ZAR1L: variants seen among roughly 807,000 people sequenced by gnomAD.
The protein encoded by ZAR1L is zygote arrest 1 like, also known as protein ZAR1-like.
ZAR1L carries 16 observed loss-of-function variants against 30.0 expected under a neutral mutation model. That is an observed-to-expected ratio of 0.53 (90% CI 0.36 to 0.81). ZAR1L has a LOEUF of 0.81. Among genes scored for constraint, ZAR1L ranks in the 30% least tolerant of loss-of-function variants. ZAR1L has a pLI of 0.00. For synonymous variants in ZAR1L, 197 were observed against 166.8 expected, an observed-to-expected ratio of 1.18 and a Z score of -1.40; for missense variants, 392 against 417.2, an observed-to-expected ratio of 0.94 and a Z score of 0.53.
chr13:32,311,514 C>T lies in ZAR1L; in HGVS notation c.412G>A (p.Gly138Ser), dbSNP rs1363683458. The part of the protein sequence containing the change: ...PACGVTSPAT[G>S]RRGLIRLRRD... ...CGCAGGCGGATCAAGCCCCTGCGGCCGGTGGCGGGCGAAGTGACCCCACAG... is the reference window on the plus strand; with the variant it reads ...CGCAGGCGGATCAAGCCCCTGCGGCTGGTGGCGGGCGAAGTGACCCCACAG... The change falls in exon 3 of 6, where the codon GGC becomes AGC. Residue 138 changes from glycine (G) to serine (S), a missense_variant. Transcript: ENST00000533490. 1.5e-5 allele frequency: 23 copies of T among 1,537,466 alleles called. No individual in the cohort carries two copies. Among genetic ancestry groups the T allele is most frequent in the Non-Finnish European group, 1.8e-5 (21 of 1,141,108 alleles).
chr13:32,307,498 C>CAAAAAA (rs772822284), intron 5 of ZAR1L, among the ~76,000 whole-genome samples: 1 of 15,384 alleles, frequency 6.5e-5, no homozygotes, highest in Non-Finnish European at 1.1e-4. Context: ...GAGTCTGTCT[C>CAAAAAA]AAAAAAAAAA....
At chr13:32,312,353 G>C (rs1047091115) in intron 2 of ZAR1L, among the ~76,000 whole-genome samples, 2 of 152,118 alleles carry the variant, frequency 1.3e-5, no homozygotes, top group African/African-American at 4.8e-5. Context: ...CAGTATGAAG[G>C]TTCCTTAAAA....
chr13:32,308,603 T>C (rs2072192277), intron 5 of ZAR1L, 83 bp downstream of exon 5: 3 of 1,015,754 alleles, frequency 3.0e-6, no homozygotes, highest in Non-Finnish European at 4.5e-6. Flanking sequence ...AATATCCAAC[T>C]CTATCAAATC....
Position 32,307,371 on chromosome 13 carries a change from C to T in ZAR1L, c.822+1315G>A, listed in dbSNP as rs1198575007. Among the ~76,000 whole-genome samples the T allele has an allele frequency of 4.0e-5, 6 of 151,366 alleles. No individual in the cohort carries two copies. In the East Asian group the frequency reaches 5.8e-4, roughly 15 times the overall value. ...AAAATTAGCCAGGCATGGTAGCAGG[C>T]GCCTGTAGTCCTAGCTACTTGGGAG... On this transcript the variant is annotated intron_variant, in intron 5 of 5. Coordinates refer to ENST00000533490, the MANE Select transcript of ZAR1L (RefSeq NM_001136571.2).
rs1175129117 is a variant in ZAR1L, at chr13:32,310,689, T to C, written c.697A>G (p.Lys233Glu). ...ACGTAAGCACTCTCCCACCTGGTCTTACAATCTTTACAGTGGAAATAGCCA... is the reference window on the plus strand; with the variant it reads ...ACGTAAGCACTCTCCCACCTGGTCTCACAATCTTTACAGTGGAAATAGCCA... ...KYGYFHCKDC[K>E]TRWESAYVWC... is the part of the protein sequence containing the mutation. Residue 233 changes from lysine to glutamate, a missense_variant, in exon 4 of 6, where the codon AAG becomes GAG. By Grantham distance (56) the Lys-to-Glu change is moderately conservative. Transcript: ENST00000533490. 1 of 1,551,808 alleles carries C rather than the reference T, an allele frequency of 6.4e-7. No homozygotes were observed. Among genetic ancestry groups the C allele is most frequent in the Non-Finnish European group, 8.7e-7 (1 of 1,146,962 alleles).
At chr13:32,311,138 T>A in intron 3 of ZAR1L, 134 bp downstream of exon 3, 1 of 1,133,260 alleles carries the variant, frequency 8.8e-7, no homozygotes, top group Non-Finnish European at 1.2e-6. Flanking sequence ...TATACATATT[T>A]TCAGAGCTCC....
intron 5 of ZAR1L, among the ~76,000 whole-genome samples, chr13:32,307,605 A>T (rs967422456): frequency 8.6e-5 from 13 of 151,896 alleles, no homozygotes; most frequent in African/African-American, 3.1e-4. Context: ...GACATTAAAA[A>T]ATGATAGAAA....
chr13:32,304,114 T>TA, intron 5 of ZAR1L, 92 bp from the exon 6 acceptor site: 1 of 1,343,544 alleles, frequency 7.4e-7, no homozygotes, highest in South Asian at 1.6e-5. Context: ...CCTATTACCC[T>TA]ATCCCTGAAA....
rs1362266786 is a variant in ZAR1L, at chr13:32,310,992, TGTATTACA to T, written c.655-269_655-262del. ...TTCCCAAAACGAAAGTCTGATTTCATGTATTACAGACTCGAAGCCCTTCTTCGTCTCCA... is the reference window on the plus strand; with the variant it reads ...TTCCCAAAACGAAAGTCTGATTTCATGACTCGAAGCCCTTCTTCGTCTCCA... On this transcript the variant is annotated intron_variant, in intron 3 of 5. Transcript: ENST00000533490. Among the ~76,000 whole-genome samples, 6 of 152,298 alleles carry T rather than the reference TGTATTACA, an allele frequency of 3.9e-5. No individual in the cohort carries two copies. The East Asian group carries it at 1.2e-3, about 29-fold the overall frequency.
chr13:32,313,429 T>C (rs936271784), intron 2 of ZAR1L, among the ~76,000 whole-genome samples: 1 of 152,212 alleles, frequency 6.6e-6, no homozygotes, highest in African/African-American at 2.4e-5. Context: ...TGCAGTGGCA[T>C]GATTTCGGCT....
At position 32,306,731 on chromosome 13, in the gene ZAR1L, G is replaced by C. The variant is rs1314506541; in HGVS notation, c.822+1955C>G. On this transcript the variant is annotated intron_variant, in intron 5 of 5. Coordinates refer to ENST00000533490, the MANE Select transcript of ZAR1L (RefSeq NM_001136571.2). ...GGATAACCTGAGGTCAGGAGTTCGA[G>C]ACAAGCCTGGCCAACATGGAGAAAC... Among the ~76,000 whole-genome samples the C allele has an allele frequency of 1.3e-5, 2 of 152,108 alleles. 1 individual carries two copies. Among genetic ancestry groups the C allele is most frequent in the Non-Finnish European group, 2.9e-5 (2 of 68,012 alleles).
chr13:32,306,037 T>G (rs1430073320), intron 5 of ZAR1L, among the ~76,000 whole-genome samples: 2 of 152,172 alleles, frequency 1.3e-5, no homozygotes, highest in African/African-American at 4.8e-5. Flanking sequence ...AAACTAATAT[T>G]TCCAGCAAAA....
intron 2 of ZAR1L, 138 bp from the exon 3 acceptor site, chr13:32,312,231 T>A: frequency 5.7e-6 from 2 of 349,612 alleles, no homozygotes; most frequent in Admixed American, 4.5e-5. Context: ...TTCACACATA[T>A]GCTTTAATTA....
At chr13:32,309,157 A>AT (rs2072196414) in intron 4 of ZAR1L, among the ~76,000 whole-genome samples, 1 of 151,682 alleles carries the variant, frequency 6.6e-6, no homozygotes, top group South Asian at 2.1e-4. Flanking sequence ...CACCCGGCTA[A>AT]TTTTTTGTAT....
intron 2 of ZAR1L, among the ~76,000 whole-genome samples, 178 bp downstream of exon 2, chr13:32,314,152 C>T (rs2072232952): frequency 6.6e-6 from 1 of 152,210 alleles, no homozygotes; most frequent in South Asian, 2.1e-4. Flanking sequence ...ATGCCTAACT[C>T]ATAAAATGTT....
intron 4 of ZAR1L, among the ~76,000 whole-genome samples, chr13:32,310,038 G>A (rs2138688309): frequency 6.6e-6 from 1 of 152,338 alleles, no homozygotes; most frequent in Non-Finnish European, 1.5e-5. Context: ...GTTGCAAAAC[G>A]AGGTGCACAG....
At chr13:32,304,330 G>A (rs1162360901) in intron 5 of ZAR1L, among the ~76,000 whole-genome samples, 1 of 152,206 alleles carries the variant, frequency 6.6e-6, no homozygotes, top group Admixed American at 6.5e-5. Flanking sequence ...TACATTTGTA[G>A]CTGAACCAGT....
At position 32,311,956 on chromosome 13, in the gene ZAR1L, A is replaced by G. The variant is rs1301870938; in HGVS notation, c.-31T>C. The G allele has an allele frequency of 6.7e-7, 1 of 1,498,908 alleles. No individual in the cohort carries two copies. Among genetic ancestry groups the G allele is most frequent in the South Asian group, 1.3e-5 (1 of 75,766 alleles). The allele number at this position is 1,498,908 out of a possible 1,614,324, so 92.9% of individuals were successfully genotyped here. ...CTCAGGTGCTCAGGCGCAGTCTAATATCCTAGCCAGTTTGTTTGGGTCCTT... is the reference window on the plus strand; with the variant it reads ...CTCAGGTGCTCAGGCGCAGTCTAATGTCCTAGCCAGTTTGTTTGGGTCCTT... On this transcript the variant is annotated 5_prime_UTR_variant, in exon 3 of 6. Transcript: ENST00000533490.
At chr13:32,309,527 C>A (rs964500612) in intron 4 of ZAR1L, among the ~76,000 whole-genome samples, 1 of 152,214 alleles carries the variant, frequency 6.6e-6, no homozygotes, top group African/African-American at 2.4e-5. Flanking sequence ...TGCACATTTT[C>A]TCTCTGCCTT....
Sources: allele counts gnomAD v4.1 joint callset (sites outside exome capture counted in the v4.1 genomes callset), GRCh38; gene constraint gnomAD v4.1.1; transcripts MANE v1.5; gene names NCBI Gene and HGNC (gene_info 2026-07-23, HGNC 2026-07-21).